Variants in SLC25A13 observed in about 807,000 individuals in gnomAD.
SLC25A13 encodes solute carrier family 25 member 13.
SLC25A13 carries 70 observed loss-of-function variants against 85.5 expected under a neutral mutation model. The observed-to-expected ratio is 0.82, with a 90% confidence interval of 0.68 to 1.00. The LOEUF (loss-of-function observed/expected upper bound fraction) is 1.00, where lower values mean the gene tolerates loss of function less well. SLC25A13 is among the 50% of genes least tolerant of loss of function. SLC25A13 has a pLI of 0.00. For synonymous variants in SLC25A13, 259 were observed against 288.7 expected, an observed-to-expected ratio of 0.90 and a Z score of 1.04; for missense variants, 765 against 819.8, an observed-to-expected ratio of 0.93 and a Z score of 0.82.
chr7:96,269,914 T>C (rs1389786359), intron 3 of SLC25A13, among the ~76,000 whole-genome samples: 1 of 152,044 alleles, frequency 6.6e-6, no homozygotes, highest in African/African-American at 2.4e-5. Flanking sequence ...AAAGTCAAAC[T>C]CATAGAAACA....
At chr7:96,281,090 A>G (rs1367646745) in intron 2 of SLC25A13, among the ~76,000 whole-genome samples, 2 of 152,200 alleles carry the variant, frequency 1.3e-5, no homozygotes, top group Admixed American at 6.5e-5. Context: ...CAACACAGCA[A>G]TGAGAAAAAA....
chr7:96,183,703 T>G (rs938056258), intron 11 of SLC25A13, among the ~76,000 whole-genome samples: 1 of 151,998 alleles, frequency 6.6e-6, no homozygotes, highest in Non-Finnish European at 1.5e-5. Flanking sequence ...GAACCTTAGA[T>G]GGTTAAAGGA....
intron 3 of SLC25A13, among the ~76,000 whole-genome samples, chr7:96,245,558 C>T (rs1307599266): frequency 2.0e-5 from 3 of 152,184 alleles, no homozygotes; most frequent in African/African-American, 7.2e-5. Flanking sequence ...GAAAAGCTAT[C>T]TTATTATACT....
chr7:96,202,834 C>T (rs1795310853), intron 5 of SLC25A13, among the ~76,000 whole-genome samples: 1 of 152,130 alleles, frequency 6.6e-6, no homozygotes, highest in Non-Finnish European at 1.5e-5. Flanking sequence ...TTCAATGAAA[C>T]ACCACCATCC....
chr7:96,175,532 GA>G (rs1462106607), intron 11 of SLC25A13, among the ~76,000 whole-genome samples: 2 of 152,180 alleles, frequency 1.3e-5, no homozygotes, highest in African/African-American at 4.8e-5. Context: ...AGAAGAAACT[GA>G]GGCCGACTTT....
At chr7:96,309,971 A>G (rs1453021504) in intron 1 of SLC25A13, among the ~76,000 whole-genome samples, 3 of 152,196 alleles carry the variant, frequency 2.0e-5, no homozygotes, top group African/African-American at 7.2e-5. Flanking sequence ...AGAGGAAATT[A>G]GGATACAGAC....
At chr7:96,285,408 T>A (rs1798849248) in intron 2 of SLC25A13, among the ~76,000 whole-genome samples, 1 of 152,224 alleles carries the variant, frequency 6.6e-6, no homozygotes, top group African/African-American at 2.4e-5. Context: ...ATACTCAGCA[T>A]ACTTTGAGCC....
chr7:96,255,059 C>A (rs1414933509), intron 3 of SLC25A13, among the ~76,000 whole-genome samples: 1 of 152,150 alleles, frequency 6.6e-6, no homozygotes, highest in Admixed American at 6.5e-5. Context: ...CAAAACCACA[C>A]AGAATTAAAT....
intron 1 of SLC25A13, among the ~76,000 whole-genome samples, chr7:96,305,058 C>T (rs1799693452): frequency 6.6e-6 from 1 of 152,188 alleles, no homozygotes; most frequent in Admixed American, 6.5e-5. Context: ...AGGCATTATG[C>T]TAATGGCTTT....
At chr7:96,259,121 C>G (rs544546456) in intron 3 of SLC25A13, among the ~76,000 whole-genome samples, 1 of 152,224 alleles carries the variant, frequency 6.6e-6, no homozygotes, top group Admixed American at 6.5e-5. Flanking sequence ...TAGAAGAAAA[C>G]CTAGGCAATA....
intron 4 of SLC25A13, chr7:96,219,698 A>C (rs189095137): frequency 4.7e-5 from 25 of 534,722 alleles, no homozygotes; most frequent in African/African-American, 4.0e-4. Flanking sequence ...GGGAGTCCAC[A>C]GTTAACCAAC....
At chr7:96,156,174 TAGGTACAA>T (rs1793256667) in intron 13 of SLC25A13, among the ~76,000 whole-genome samples, 1 of 152,204 alleles carries the variant, frequency 6.6e-6, no homozygotes, top group Non-Finnish European at 1.5e-5. Flanking sequence ...GATGTTTTTG[TAGGTACAA>T]TATAACTGAT....
At chr7:96,274,585 T>C (rs1798372345) in intron 3 of SLC25A13, among the ~76,000 whole-genome samples, 1 of 152,212 alleles carries the variant, frequency 6.6e-6, no homozygotes, top group East Asian at 1.9e-4. Flanking sequence ...TCCTTGCACA[T>C]GCCTATGTCC....
intron 12 of SLC25A13, 57 bp from the exon 13 acceptor site, chr7:96,170,182 C>T: frequency 6.8e-7 from 1 of 1,460,370 alleles, no homozygotes; most frequent in Non-Finnish European, 9.6e-7. Flanking sequence ...TCATTAAACA[C>T]TTATAAATAT....
At chr7:96,189,720 C>G in intron 7 of SLC25A13, 46 bp from the exon 8 acceptor site, 1 of 1,497,802 alleles carries the variant, frequency 6.7e-7, no homozygotes, top group Non-Finnish European at 9.3e-7. Flanking sequence ...GAAGAAATAG[C>G]CACTAAATTC....
intron 4 of SLC25A13, among the ~76,000 whole-genome samples, chr7:96,228,642 C>A (rs1002297847): frequency 4.6e-5 from 7 of 152,226 alleles, no homozygotes; most frequent in Non-Finnish European, 7.3e-5. Flanking sequence ...TGCCACTGCA[C>A]TGTGGGAGCC....
chr7:96,131,372 T>G (rs151194537), intron 15 of SLC25A13, among the ~76,000 whole-genome samples: 2 of 152,234 alleles, frequency 1.3e-5, no homozygotes, highest in Admixed American at 6.5e-5. Flanking sequence ...ATGCACTATT[T>G]TTTTTAGACA....
intron 5 of SLC25A13, among the ~76,000 whole-genome samples, chr7:96,201,708 C>T (rs939957834): frequency 6.6e-6 from 1 of 152,136 alleles, no homozygotes; most frequent in Admixed American, 6.6e-5. Flanking sequence ...TTTATGAACA[C>T]ATGAAATCGC....
intron 4 of SLC25A13, among the ~76,000 whole-genome samples, chr7:96,213,302 C>G (rs1254439865): frequency 6.6e-6 from 1 of 152,206 alleles, no homozygotes; most frequent in Non-Finnish European, 1.5e-5. Context: ...ATTCTTTTCT[C>G]CTTTTAGGAG....
Sources: allele counts gnomAD v4.1 joint callset (sites outside exome capture counted in the v4.1 genomes callset), GRCh38; gene constraint gnomAD v4.1.1; transcripts MANE v1.5; gene names NCBI Gene and HGNC (gene_info 2026-07-23, HGNC 2026-07-21).